The following DCDC2 variants were observed in gnomAD, a reference collection of about 807,000 sequenced individuals.
The protein encoded by DCDC2 is doublecortin domain containing 2, also known as doublecortin domain-containing protein 2.
In DCDC2, 40 loss-of-function variants were observed where a neutral mutation model predicts 50.2. The observed-to-expected ratio is 0.80, with a 90% CI of 0.62 to 1.04. The LOEUF is 1.04. Ranked by LOEUF, DCDC2 falls within the 50% of genes least tolerant of loss-of-function variation. The probability of loss-of-function intolerance (pLI) is 0.00; values close to 1 mark genes in which losing one functional copy is unlikely to be tolerated. For synonymous variants in DCDC2, 234 were observed against 210.6 expected (o/e 1.11, Z -0.96); for missense variants, 570 against 581.9 (o/e 0.98, Z 0.21).
the DCDC2 span, among the ~76,000 whole-genome samples, chr6:24,368,498 C>T: frequency 4.6e-5 from 7 of 152,128 alleles, no homozygotes; most frequent in Admixed American, 3.3e-4. Context: ...CAATTAATGA[C>T]TGATTTCTCA....
chr6:24,293,975 G>A (rs1315507701), intron 4 of DCDC2, among the ~76,000 whole-genome samples: 2 of 152,192 alleles, frequency 1.3e-5, no homozygotes, highest in African/African-American at 2.4e-5. Flanking sequence ...GAAGTTCTTT[G>A]AAACTGAGAA....
chr6:24,352,961 A>T (rs947542465), intron 2 of DCDC2, among the ~76,000 whole-genome samples: 16 of 152,240 alleles, frequency 1.1e-4, no homozygotes, highest in African/African-American at 3.9e-4. Flanking sequence ...TACATCCTAC[A>T]GAATACCTAA....
chr6:24,187,152 C>CA (rs1350871205), intron 8 of DCDC2, among the ~76,000 whole-genome samples: 1 of 152,122 alleles, frequency 6.6e-6, no homozygotes, highest in Non-Finnish European at 1.5e-5. Flanking sequence ...CTCACTCTCC[C>CA]ATCCCTCCTC....
chr6:24,281,342 T>G (rs574894187), intron 6 of DCDC2, among the ~76,000 whole-genome samples: 1 of 149,796 alleles, frequency 6.7e-6, no homozygotes, highest in Admixed American at 6.6e-5. Flanking sequence ...ATAATTGAAA[T>G]GCTTTTTTTT....
At chr6:24,258,259 T>G (rs994119018) in intron 7 of DCDC2, among the ~76,000 whole-genome samples, 1 of 152,200 alleles carries the variant, frequency 6.6e-6, no homozygotes, top group East Asian at 1.9e-4. Flanking sequence ...AGTGGGTTGC[T>G]GCTGCTGGCT....
At chr6:24,222,667 C>A (rs1561896351) in intron 7 of DCDC2, among the ~76,000 whole-genome samples, 1 of 152,130 alleles carries the variant, frequency 6.6e-6, no homozygotes, top group African/African-American at 2.4e-5. Context: ...AAGTGAAAAA[C>A]CATCTGTTTT....
intron 7 of DCDC2, among the ~76,000 whole-genome samples, chr6:24,216,858 C>T (rs542822006): frequency 1.3e-5 from 2 of 152,322 alleles, no homozygotes; most frequent in Non-Finnish European, 2.9e-5. Flanking sequence ...CATGAATATA[C>T]CATTCTTGCT....
In DCDC2 at chr6:24,221,600, A is replaced by G. The variant is rs538076802; in HGVS notation, c.923-16498T>C. 5.9e-5 allele frequency among the ~76,000 whole-genome samples: 9 copies of G among 152,348 alleles called. No individual in the cohort carries two copies. In the South Asian group the frequency reaches 1.7e-3, roughly 28 times the overall value. Reference sequence around the variant, plus strand: ...TCTTCACACACAACATGGTCAGGTTACATACAGCACTCCATATGGAGCTAG... The same window carrying G: ...TCTTCACACACAACATGGTCAGGTTGCATACAGCACTCCATATGGAGCTAG... On this transcript the variant is annotated intron_variant, in intron 7 of 9. Coordinates refer to ENST00000378454, the MANE Select transcript of DCDC2 (RefSeq NM_016356.5).
intron 2 of DCDC2, among the ~76,000 whole-genome samples, chr6:24,336,458 GA>G (rs1249552560): frequency 6.6e-6 from 1 of 152,090 alleles, no homozygotes; most frequent in Non-Finnish European, 1.5e-5. Context: ...GTCACACATA[GA>G]AGTATATTAT....
At chr6:24,201,348 C>T (rs1391019404) in intron 8 of DCDC2, among the ~76,000 whole-genome samples, 2 of 152,258 alleles carry the variant, frequency 1.3e-5, no homozygotes, top group Middle Eastern at 3.4e-3. Flanking sequence ...AATTAAGGAA[C>T]TCATGAAAAA....
chr6:24,197,594 C>G (rs111611082), intron 8 of DCDC2, among the ~76,000 whole-genome samples: 5 of 152,142 alleles, frequency 3.3e-5, no homozygotes, highest in Admixed American at 6.5e-5. Context: ...TATAGCTAAT[C>G]CTGGATAATA....
rs1463694954 is a variant in DCDC2 at position 24,261,349 on chromosome 6, C to T, written c.922+16700G>A. 4.6e-5 allele frequency among the ~76,000 whole-genome samples: 7 copies of T among 151,988 alleles called. No individual in the cohort carries two copies. In the East Asian group the frequency reaches 1.4e-3, roughly 29 times the overall value. On this transcript the variant is annotated intron_variant, in intron 7 of 9. Coordinates refer to ENST00000378454, the MANE Select transcript of DCDC2 (RefSeq NM_016356.5). ...CTTAGCCCAAGCCAAAGTTCTATGG[C>T]AGCTTTGGTGGACAGTTCTCATATG...
chr6:24,234,456 G>A (rs1052903339), intron 7 of DCDC2, among the ~76,000 whole-genome samples: 1 of 152,144 alleles, frequency 6.6e-6, no homozygotes, highest in Non-Finnish European at 1.5e-5. Flanking sequence ...GACAGATAAC[G>A]TTGGGAACGA....
intron 8 of DCDC2, among the ~76,000 whole-genome samples, chr6:24,180,009 A>C (rs1260827522): frequency 6.6e-6 from 1 of 151,428 alleles, no homozygotes; most frequent in Non-Finnish European, 1.5e-5. Flanking sequence ...CAGCTTTCAG[A>C]GCCAAGACTT....
intron 2 of DCDC2, among the ~76,000 whole-genome samples, chr6:24,323,483 G>C (rs1022897617): frequency 5.3e-5 from 8 of 152,176 alleles, no homozygotes; most frequent in Admixed American, 2.0e-4. Flanking sequence ...CTATGCTATG[G>C]CTATGTAGGA....
chr6:24,358,612 G>A (rs1375117645), upstream of DCDC2, among the ~76,000 whole-genome samples: 1 of 143,368 alleles, frequency 7.0e-6, no homozygotes, highest in Non-Finnish European at 1.5e-5. Context: ...AGCCCAGGAG[G>A]TCGAGGCTGC....
intron 2 of DCDC2, among the ~76,000 whole-genome samples, chr6:24,343,896 T>C (rs1760206287): frequency 6.6e-6 from 1 of 152,230 alleles, no homozygotes; most frequent in African/African-American, 2.4e-5. Context: ...TTTTTTGATA[T>C]ATGGGCACGC....
chr6:24,351,934 T>C (rs1164515632), intron 2 of DCDC2, among the ~76,000 whole-genome samples: 2 of 151,988 alleles, frequency 1.3e-5, no homozygotes, highest in Non-Finnish European at 2.9e-5. Context: ...TGAAACCCCG[T>C]CTCTACGAAA....
chr6:24,236,750 C>A (rs1159734279), intron 7 of DCDC2, among the ~76,000 whole-genome samples: 2 of 152,148 alleles, frequency 1.3e-5, no homozygotes, highest in East Asian at 3.9e-4. Flanking sequence ...TGGCTCACAC[C>A]TGTAACCCCA....
Sources: allele counts gnomAD v4.1 joint callset (sites outside exome capture counted in the v4.1 genomes callset), GRCh38; gene constraint gnomAD v4.1.1; transcripts MANE v1.5; gene names NCBI Gene and HGNC (gene_info 2026-07-23, HGNC 2026-07-21).